PDE5A: variants seen among roughly 807,000 people sequenced by gnomAD.
PDE5A encodes the protein phosphodiesterase 5A, also known as cGMP-specific 3',5'-cyclic phosphodiesterase.
Under a neutral mutation model 110.2 loss-of-function variants are expected in PDE5A, and 67 were observed. That is an observed-to-expected ratio of 0.61 (90% CI 0.50 to 0.75). The LOEUF is 0.75. PDE5A is among the 30% of genes least tolerant of loss of function. PDE5A has a pLI of 0.00. For synonymous variants in PDE5A, 328 were observed against 351.2 expected, an observed-to-expected ratio of 0.93 and a Z score of 0.74; for missense variants, 862 against 1,045.1, an observed-to-expected ratio of 0.82 and a Z score of 2.42.
chr4:119,502,052 G>A (rs1578720370), intron 19 of PDE5A, among the ~76,000 whole-genome samples: 1 of 152,106 alleles, frequency 6.6e-6, no homozygotes, highest in East Asian at 1.9e-4. Context: ...GGAGACTGTG[G>A]TGGTGGCATG....
At chr4:119,593,667 C>T (rs1427402933) in intron 3 of PDE5A, among the ~76,000 whole-genome samples, 3 of 152,206 alleles carry the variant, frequency 2.0e-5, no homozygotes, top group Non-Finnish European at 4.4e-5. Flanking sequence ...GTGGTGGTTA[C>T]ATGATCGAAT....
intron 2 of PDE5A, among the ~76,000 whole-genome samples, chr4:119,598,388 A>T (rs1729227279): frequency 6.6e-6 from 1 of 152,206 alleles, no homozygotes; most frequent in Non-Finnish European, 1.5e-5. Context: ...CATCTCAAGG[A>T]GTTCTCCTTT....
chr4:119,526,667 G>A (rs1726330928), intron 11 of PDE5A, among the ~76,000 whole-genome samples: 1 of 152,080 alleles, frequency 6.6e-6, no homozygotes, highest in Non-Finnish European at 1.5e-5. Context: ...CTTTGCTTTT[G>A]GGAAGTCAAA....
rs755701059 is a variant in PDE5A at position 119,627,381 on chromosome 4, C to A, written c.152+1139G>T. On this transcript the variant is annotated intron_variant, in intron 1 of 20. Transcript: ENST00000354960. This position sits in a 1 kb window ranked among gnomAD's most constrained non-coding sequence, Gnocchi z 4.6. Reference sequence around the variant, plus strand: ...CCTGGCGGGGAGCGACCGGCAGAGCCGCGGCCGCGCGCCGGCGAGTGGGAC... The same window carrying A: ...CCTGGCGGGGAGCGACCGGCAGAGCAGCGGCCGCGCGCCGGCGAGTGGGAC... 1.1e-6 allele frequency: 1 copy of A among 874,040 alleles called. No individual in the cohort carries two copies. The highest frequency in any genetic ancestry group is 1.8e-5 in the African/African-American group (1 of 54,860). The allele number at this position is 874,040 out of a possible 1,614,324, so 54.1% of individuals were successfully genotyped here. A position where few individuals can be genotyped will look rare whatever the true frequency, so the allele number is the denominator to read the frequency against.
chr4:119,514,094 C>T (rs892098673), intron 14 of PDE5A, among the ~76,000 whole-genome samples: 66 of 152,300 alleles, frequency 4.3e-4, no homozygotes, highest in African/African-American at 1.6e-3. Context: ...ACTACTGCTA[C>T]AGAATTTTGT....
In PDE5A at chr4:119,628,510, C is replaced by T; in HGVS notation, c.152+10G>A. The T allele has an allele frequency of 1.3e-6, 2 of 1,556,968 alleles. No homozygotes were observed. The highest frequency in any genetic ancestry group is 1.7e-6 in the Non-Finnish European group (2 of 1,146,356). On this transcript the variant is annotated intron_variant, in intron 1 of 20. Coordinates refer to ENST00000354960, the MANE Select transcript of PDE5A (RefSeq NM_001083.4). Reference sequence around the variant, plus strand: ...ATCAGCCCCGGGTCTTCCGTGGGTCCTCTTCTTACCTGGTGGCTTTTCTAA... The same window carrying T: ...ATCAGCCCCGGGTCTTCCGTGGGTCTTCTTCTTACCTGGTGGCTTTTCTAA...
At chr4:119,555,733 A>T (rs1727514153) in intron 7 of PDE5A, among the ~76,000 whole-genome samples, 1 of 152,130 alleles carries the variant, frequency 6.6e-6, no homozygotes, top group African/African-American at 2.4e-5. Context: ...AGAGTTCATA[A>T]ATTCAGACTT....
chr4:119,570,722 G>A (rs28540362), intron 3 of PDE5A, among the ~76,000 whole-genome samples: 32,483 of 151,868 alleles, frequency 0.21, 3,580 homozygotes, highest in Middle Eastern at 0.27. Flanking sequence ...CCCCATCCCC[G>A]GTTCAGGGGA....
chr4:119,533,748 A>G (rs1023739330), intron 11 of PDE5A, among the ~76,000 whole-genome samples: 1 of 152,210 alleles, frequency 6.6e-6, no homozygotes, highest in African/African-American at 2.4e-5. Flanking sequence ...TAGTTTTTCA[A>G]AATCATATAG....
chr4:119,594,106 C>A (rs994649229), intron 3 of PDE5A, among the ~76,000 whole-genome samples: 4 of 151,884 alleles, frequency 2.6e-5, no homozygotes, highest in African/African-American at 9.7e-5. Flanking sequence ...CATGTCAGTA[C>A]GCGAATTATA....
chr4:119,548,044 A>ATTTTTT lies in PDE5A; in HGVS notation c.1396+4500_1396+4505dup, dbSNP rs11438089. ...GATCACTTTGTCCATTTCTCCGTGT[A>ATTTTTT]TTTTTTTTTTTTTTTTTTTTTTGAG... On this transcript the variant is annotated intron_variant, in intron 9 of 20. Coordinates refer to ENST00000354960, the MANE Select transcript of PDE5A (RefSeq NM_001083.4). 2.1e-4 allele frequency among the ~76,000 whole-genome samples: 20 copies of ATTTTTT among 94,774 alleles called. 1 individual carries two copies. Among genetic ancestry groups the ATTTTTT allele is most frequent in the East Asian group, 3.1e-4 (1 of 3,268 alleles). 62.2% of individuals were successfully genotyped at this position (94,774 alleles called of 152,430 possible). A position where few individuals can be genotyped will look rare whatever the true frequency, so the allele number is the denominator to read the frequency against.
chr4:119,578,151 A>T (rs1358585005), intron 3 of PDE5A, among the ~76,000 whole-genome samples: 1 of 152,180 alleles, frequency 6.6e-6, no homozygotes, highest in Non-Finnish European at 1.5e-5. Flanking sequence ...GACCTCTTCA[A>T]GGAGAACTAC....
Position 119,505,847 on chromosome 4 carries a change from C to G in PDE5A, c.2267+8G>C, listed in dbSNP as rs1307225095. On this transcript the variant is annotated splice_region_variant and intron_variant, in intron 17 of 20. Coordinates refer to ENST00000354960, the MANE Select transcript of PDE5A (RefSeq NM_001083.4). ...AACTTCAGCTTTAAAGATAGTAAAC[C>G]TACTTACAAAAACAACTCCTTTTGA... 6.7e-7 allele frequency: 1 copy of G among 1,501,796 alleles called. No homozygotes were observed. 93.0% of individuals were successfully genotyped at this position (1,501,796 alleles called of 1,614,324 possible).
At chr4:119,511,923 C>A (rs1725757925) in intron 14 of PDE5A, among the ~76,000 whole-genome samples, 1 of 152,070 alleles carries the variant, frequency 6.6e-6, no homozygotes, top group Admixed American at 6.6e-5. Flanking sequence ...TGACCCTTCA[C>A]ACGTGAATAT....
chr4:119,579,729 T>A (rs570746570), intron 3 of PDE5A, among the ~76,000 whole-genome samples: 10 of 151,968 alleles, frequency 6.6e-5, no homozygotes, highest in African/African-American at 2.4e-4. Context: ...TTTGGAGATA[T>A]ACCTAATGTT....
chr4:119,510,899 A>C (rs910748632), intron 15 of PDE5A, 148 bp downstream of exon 15: 4 of 534,840 alleles, frequency 7.5e-6, no homozygotes, highest in Non-Finnish European at 1.4e-5. Context: ...TGAGGATCTC[A>C]AATGTTTTGG....
chr4:119,581,185 AT>A (rs1357967461), intron 3 of PDE5A, among the ~76,000 whole-genome samples: 2 of 152,230 alleles, frequency 1.3e-5, no homozygotes, highest in Non-Finnish European at 2.9e-5. Context: ...TACTACAAAC[AT>A]AAAAGAAGTA....
At chr4:119,571,571 C>T (rs192971540) in intron 3 of PDE5A, among the ~76,000 whole-genome samples, 35 of 152,198 alleles carry the variant, frequency 2.3e-4, no homozygotes, top group African/African-American at 7.5e-4. Context: ...AGAAACACAG[C>T]CCTGTAGATG....
chr4:119,574,370 G>C lies in PDE5A; in HGVS notation c.832-7226C>G, dbSNP rs1184769377. 5.0e-5 allele frequency among the ~76,000 whole-genome samples: 3 copies of C among 60,462 alleles called. 1 individual carries two copies. The East Asian group carries it at 3.1e-3, about 62-fold the overall frequency. 39.7% of individuals were successfully genotyped at this position (60,462 alleles called of 152,430 possible). A position where few individuals can be genotyped will look rare whatever the true frequency, so the allele number is the denominator to read the frequency against. ...GGCTAATTTTTGTATTTTTAGTAGA[G>C]ACGGGTTTCACCATGTTGGTTAGGC... On this transcript the variant is annotated intron_variant, in intron 3 of 20. Transcript: ENST00000354960.
Sources: gnomAD v4.1 joint callset for allele counts (sites outside exome capture counted in the v4.1 genomes callset) on GRCh38, gnomAD v4.1.1 for gene constraint, Gnocchi (gnomAD v3.1) non-coding constraint, MANE v1.5 for transcripts, NCBI Gene and HGNC (gene_info 2026-07-23, HGNC 2026-07-21) for gene names.